Variants in SGCD observed in about 807,000 individuals in gnomAD.
SGCD encodes the protein delta-sarcoglycan.
SGCD carries 18 observed loss-of-function variants against 36.6 expected under a neutral mutation model. The ratio of observed to expected loss-of-function variants is 0.49; its 90% CI spans 0.34 to 0.73. The LOEUF is 0.73. Among genes scored for constraint, SGCD ranks in the 30% least tolerant of loss-of-function variants. The pLI, the probability that SGCD is intolerant of heterozygous loss-of-function variation, is 0.01. For synonymous variants in SGCD, 133 were observed against 130.6 expected (o/e 1.02, Z -0.12); for missense variants, 387 against 346.7 (o/e 1.12, Z -0.92).
intron 3 of SGCD, among the ~76,000 whole-genome samples, chr5:156,278,613 G>A (rs1415372490): frequency 6.6e-6 from 1 of 152,198 alleles, no homozygotes; most frequent in African/African-American, 2.4e-5. Flanking sequence ...TTTTAGTGAA[G>A]TAATTCATAA....
intron 3 of SGCD, 76 bp downstream of exon 3, chr5:156,344,753 G>T: frequency 8.6e-7 from 1 of 1,163,702 alleles, no homozygotes; most frequent in South Asian, 1.5e-5. Flanking sequence ...AAGGAATGTG[G>T]AAAAGTGATA....
chr5:156,675,919 A>G (rs1410673185), intron 7 of SGCD, among the ~76,000 whole-genome samples: 1 of 152,196 alleles, frequency 6.6e-6, no homozygotes, highest in Non-Finnish European at 1.5e-5. Flanking sequence ...CAAGCTCCTT[A>G]GAGAATCAGA....
At chr5:155,874,090 C>T (rs1003319232) in intron 1 of SGCD, among the ~76,000 whole-genome samples, 2 of 152,068 alleles carry the variant, frequency 1.3e-5, no homozygotes, top group African/African-American at 4.8e-5. Context: ...ATGTTTTATA[C>T]AATGTTGCAC....
chr5:156,759,320 A>G lies in SGCD; in HGVS notation c.803A>G (p.Asn268Ser), dbSNP rs762681488. ...GTCTTCGAGATCTGCGTCTGCGCCA[A>G]TGGGAGATTATTCCTGTCTCAGGCA... ...QKVFEICVCA[N>S]GRLFLSQAGA... The change falls in exon 9 of 9, where the codon AAT becomes AGT. Residue 268 changes from asparagine to serine, a missense_variant. Coordinates refer to ENST00000337851, the MANE Select transcript of SGCD (RefSeq NM_000337.6). 5.0e-6 allele frequency: 8 copies of G among 1,613,426 alleles called. No individual in the cohort carries two copies. Among genetic ancestry groups the G allele is most frequent in the East Asian group, 2.2e-5 (1 of 44,890 alleles).
At chr5:156,069,825 C>G (rs1034497924) in intron 1 of SGCD, among the ~76,000 whole-genome samples, 17 of 151,976 alleles carry the variant, frequency 1.1e-4, no homozygotes, top group African/African-American at 4.1e-4. Context: ...GTTTGTAGCT[C>G]TCCTTGAAGA....
chr5:156,359,312 C>A (rs1222028177), intron 3 of SGCD, among the ~76,000 whole-genome samples: 2 of 152,148 alleles, frequency 1.3e-5, no homozygotes, highest in Non-Finnish European at 2.9e-5. Flanking sequence ...TCAACATTGA[C>A]CTCAGGATTC....
intron 1 of SGCD, among the ~76,000 whole-genome samples, chr5:156,055,238 A>C (rs1313590068): frequency 6.9e-6 from 1 of 145,498 alleles, no homozygotes; most frequent in Non-Finnish European, 1.5e-5. Context: ...TTAAAAGACA[A>C]AATAAAGTAG....
At chr5:155,951,352 A>T (rs1319841855) in intron 1 of SGCD, among the ~76,000 whole-genome samples, 10 of 152,206 alleles carry the variant, frequency 6.6e-5, no homozygotes, top group Admixed American at 6.5e-4. Context: ...ATCCATGAGA[A>T]GCGACAATAT....
At chr5:155,727,937 C>T in the SGCD span, among the ~76,000 whole-genome samples, 1 of 152,234 alleles carries the variant, frequency 6.6e-6, no homozygotes, top group African/African-American at 2.4e-5. Context: ...AGAAACCTGT[C>T]CCCTTGGCGG....
At chr5:156,333,338 G>A (rs1379032487) in intron 2 of SGCD, among the ~76,000 whole-genome samples, 3 of 152,162 alleles carry the variant, frequency 2.0e-5, no homozygotes, top group Admixed American at 1.3e-4. Context: ...GGGACAAAAT[G>A]CCTATACTTA....
chr5:156,624,396 A>G (rs1257811060), intron 6 of SGCD, among the ~76,000 whole-genome samples: 1 of 152,120 alleles, frequency 6.6e-6, no homozygotes. Flanking sequence ...CCTGACTAAC[A>G]CGGTGAAAAC....
intron 4 of SGCD, among the ~76,000 whole-genome samples, chr5:156,527,862 T>A (rs1001634753): frequency 6.6e-6 from 1 of 152,206 alleles, no homozygotes. Context: ...GACCACAGTT[T>A]GAAAATGACC....
chr5:156,472,253 G>A (rs1755003717), intron 3 of SGCD, among the ~76,000 whole-genome samples: 1 of 152,060 alleles, frequency 6.6e-6, no homozygotes, highest in African/African-American at 2.4e-5. Context: ...TAAAAGAAAT[G>A]AAAACATATA....
intron 3 of SGCD, among the ~76,000 whole-genome samples, chr5:156,233,576 G>T (rs1288135621): frequency 6.6e-6 from 1 of 152,192 alleles, no homozygotes; most frequent in African/African-American, 2.4e-5. Flanking sequence ...GAGAATCTGA[G>T]GGGGATGGGA....
At chr5:155,873,093 C>A (rs1428457155) in intron 1 of SGCD, among the ~76,000 whole-genome samples, 1 of 152,120 alleles carries the variant, frequency 6.6e-6, no homozygotes, top group Non-Finnish European at 1.5e-5. Flanking sequence ...ATCAAGGCTA[C>A]AGTGCCCCAA....
intron 1 of SGCD, among the ~76,000 whole-genome samples, chr5:155,969,709 G>A (rs1433097645): frequency 6.6e-6 from 1 of 152,054 alleles, no homozygotes; most frequent in Non-Finnish European, 1.5e-5. Flanking sequence ...ATCATAAACT[G>A]CCTCTTTCAG....
intron 4 of SGCD, among the ~76,000 whole-genome samples, chr5:156,509,487 A>G (rs1756843842): frequency 6.6e-6 from 1 of 152,212 alleles, no homozygotes; most frequent in Non-Finnish European, 1.5e-5. Context: ...TAATCACTAC[A>G]GAGTGTGTAC....
chr5:156,220,297 G>A (rs537816337), intron 3 of SGCD, among the ~76,000 whole-genome samples: 2 of 152,222 alleles, frequency 1.3e-5, no homozygotes, highest in South Asian at 2.1e-4. Context: ...AGCAAGGTAC[G>A]TTGGAGTTTG....
chr5:156,328,681 C>T (rs923871585), intron 1 of SGCD, among the ~76,000 whole-genome samples: 2 of 151,354 alleles, frequency 1.3e-5, no homozygotes, highest in East Asian at 1.9e-4. Context: ...GAGGAGGGAC[C>T]TGGGACAGGA....
Sources: gnomAD v4.1 joint callset for allele counts (sites outside exome capture counted in the v4.1 genomes callset) on GRCh38, gnomAD v4.1.1 for gene constraint, MANE v1.5 for transcripts, NCBI Gene and HGNC (gene_info 2026-07-23, HGNC 2026-07-21) for gene names.